The following GRM8 variants were observed in gnomAD, a reference collection of about 807,000 sequenced individuals.
GRM8 encodes the protein glutamate metabotropic receptor 8.
Under a neutral mutation model 87.2 loss-of-function variants are expected in GRM8, and 47 were observed. The ratio of observed to expected loss-of-function variants is 0.54; its 90% confidence interval spans 0.43 to 0.69. The LOEUF is 0.69. GRM8 is among the 30% of genes least tolerant of loss of function. GRM8 has a pLI of 0.00. For missense variants in GRM8, 1,019 were observed against 1,139.2 expected, an observed-to-expected ratio of 0.89 and a Z score of 1.52; for synonymous variants, 396 against 404.5, an observed-to-expected ratio of 0.98 and a Z score of 0.25.
chr7:126,454,207 A>G (rs1802959926), intron 9 of GRM8, among the ~76,000 whole-genome samples: 1 of 151,822 alleles, frequency 6.6e-6, no homozygotes, highest in South Asian at 2.1e-4. Context: ...ATCTCTATCT[A>G]TCTGTCTATA....
chr7:127,128,315 A>C (rs1827485413), intron 2 of GRM8, among the ~76,000 whole-genome samples: 1 of 152,114 alleles, frequency 6.6e-6, no homozygotes, highest in Admixed American at 6.6e-5. Context: ...CACTTTCTCC[A>C]ACTATCCTGA....
At chr7:127,081,048 G>A (rs1822810285) in intron 3 of GRM8, among the ~76,000 whole-genome samples, 1 of 152,174 alleles carries the variant, frequency 6.6e-6, no homozygotes, top group African/African-American at 2.4e-5. Flanking sequence ...ATGGTCAGCA[G>A]CGATATTTAA....
intron 3 of GRM8, among the ~76,000 whole-genome samples, chr7:127,097,335 A>G (rs28951989): frequency 6.6e-6 from 1 of 152,190 alleles, no homozygotes; most frequent in Non-Finnish European, 1.5e-5. Context: ...ACCAAGGATG[A>G]CAAAAACAGG....
At chr7:126,947,122 A>C (rs2131579713) in intron 3 of GRM8, among the ~76,000 whole-genome samples, 1 of 152,302 alleles carries the variant, frequency 6.6e-6, no homozygotes, top group Non-Finnish European at 1.5e-5. Flanking sequence ...ATGAGGCTTC[A>C]TTTACTCTTC....
At chr7:127,043,765 A>T (rs17861392) in intron 3 of GRM8, among the ~76,000 whole-genome samples, 20 of 151,276 alleles carry the variant, frequency 1.3e-4, no homozygotes, top group African/African-American at 4.1e-4. Flanking sequence ...AAAGTATAAT[A>T]AAAAAAATAA....
chr7:126,792,037 A>G (rs1821398274), intron 6 of GRM8, among the ~76,000 whole-genome samples: 2 of 152,106 alleles, frequency 1.3e-5, no homozygotes, highest in Non-Finnish European at 1.5e-5. Context: ...ATGGTTTCAG[A>G]GTGGTGATTT....
chr7:127,059,199 A>G (rs1820339679), intron 3 of GRM8, among the ~76,000 whole-genome samples: 1 of 150,158 alleles, frequency 6.7e-6, no homozygotes, highest in Admixed American at 6.6e-5. Flanking sequence ...GGCAGAGAAG[A>G]AAAAAATTCC....
At chr7:127,065,562 C>T (rs1821023788) in intron 3 of GRM8, among the ~76,000 whole-genome samples, 1 of 152,126 alleles carries the variant, frequency 6.6e-6, no homozygotes, top group Non-Finnish European at 1.5e-5. Flanking sequence ...GCTAAAAAGA[C>T]AAGCACAACT....
At chr7:126,708,496 AATGG>A (rs1473195293) in intron 7 of GRM8, among the ~76,000 whole-genome samples, 7 of 151,402 alleles carry the variant, frequency 4.6e-5, no homozygotes, top group Non-Finnish European at 8.8e-5. Context: ...CAATGGATGA[AATGG>A]ATGAAGAAAA....
chr7:126,731,716 G>C (rs370976844), intron 7 of GRM8, among the ~76,000 whole-genome samples: 3 of 151,738 alleles, frequency 2.0e-5, no homozygotes, highest in South Asian at 2.1e-4. Flanking sequence ...AATGATCATG[G>C]TATTATCAAT....
chr7:127,159,590 CTG>C (rs1034065006), intron 2 of GRM8, among the ~76,000 whole-genome samples: 2 of 151,914 alleles, frequency 1.3e-5, no homozygotes, highest in Non-Finnish European at 2.9e-5. Flanking sequence ...AATGACAGGA[CTG>C]AAAGTTGAAC....
chr7:126,668,086 G>A (rs1238638096), intron 7 of GRM8, among the ~76,000 whole-genome samples: 1 of 152,156 alleles, frequency 6.6e-6, no homozygotes, highest in African/African-American at 2.4e-5. Flanking sequence ...CTTTGCAGCG[G>A]TGAGGAGCCG....
At chr7:127,003,192 A>G (rs183996663) in intron 3 of GRM8, among the ~76,000 whole-genome samples, 26 of 151,888 alleles carry the variant, frequency 1.7e-4, no homozygotes, top group African/African-American at 6.0e-4. Flanking sequence ...TCATGAAGAC[A>G]TAGCATGATT....
At chr7:127,166,476 A>C (rs1046178482) in intron 2 of GRM8, among the ~76,000 whole-genome samples, 5 of 152,168 alleles carry the variant, frequency 3.3e-5, no homozygotes, top group Admixed American at 6.5e-5. Flanking sequence ...AAGGCCATAC[A>C]AAATCAGCCA....
chr7:126,952,133 G>C (rs1228052145), intron 3 of GRM8, among the ~76,000 whole-genome samples: 1 of 151,818 alleles, frequency 6.6e-6, no homozygotes, highest in Non-Finnish European at 1.5e-5. Context: ...AAGTAAGAAA[G>C]TGTTCAAAAA....
intron 3 of GRM8, among the ~76,000 whole-genome samples, chr7:126,928,513 AAC>A (rs1345650239): frequency 6.6e-6 from 1 of 152,004 alleles, no homozygotes; most frequent in Non-Finnish European, 1.5e-5. Context: ...CTCTACAAAA[AAC>A]ACAAAAATTA....
chr7:126,890,425 T>C (rs958876665), intron 6 of GRM8, among the ~76,000 whole-genome samples: 6 of 152,092 alleles, frequency 3.9e-5, no homozygotes, highest in Non-Finnish European at 5.9e-5. Context: ...AACCTTGAAC[T>C]ATCTCACATA....
chr7:127,010,396 T>C (rs1814768365), intron 3 of GRM8, among the ~76,000 whole-genome samples: 1 of 152,126 alleles, frequency 6.6e-6, no homozygotes, highest in Admixed American at 6.6e-5. Flanking sequence ...AAGAGAATAT[T>C]GGGAAATAAC....
chr7:126,497,080 C>T (rs961411018), intron 9 of GRM8, among the ~76,000 whole-genome samples: 1 of 149,780 alleles, frequency 6.7e-6, no homozygotes, highest in Admixed American at 6.7e-5. Context: ...TAATACCATA[C>T]ACAAATAGCA....
Sources: gnomAD v4.1 joint callset for allele counts (sites outside exome capture counted in the v4.1 genomes callset) on GRCh38, gnomAD v4.1.1 for gene constraint, MANE v1.5 for transcripts, NCBI Gene and HGNC (gene_info 2026-07-23, HGNC 2026-07-21) for gene names.